Variants in CFAP20DC observed in about 807,000 individuals in gnomAD.
CFAP20DC encodes protein CFAP20DC.
Under a neutral mutation model 101.7 loss-of-function variants are expected in CFAP20DC, and 84 were observed. The ratio of observed to expected loss-of-function variants is 0.83; its 90% CI spans 0.69 to 0.99. CFAP20DC has a LOEUF of 0.99. Among genes scored for constraint, CFAP20DC ranks in the 50% least tolerant of loss-of-function variants. CFAP20DC has a pLI of 0.00. For missense variants in CFAP20DC, 1,007 were observed against 970.3 expected (o/e 1.04, Z -0.50); for synonymous variants, 359 against 351.2 (o/e 1.02, Z -0.25).
intron 15 of CFAP20DC, among the ~76,000 whole-genome samples, chr3:58,754,502 C>A (rs922683080): frequency 1.3e-5 from 2 of 152,150 alleles, no homozygotes. Flanking sequence ...TGAGTCACTG[C>A]ATATTCTACT....
At chr3:58,898,858 T>C (rs2082893529) in intron 6 of CFAP20DC, among the ~76,000 whole-genome samples, 1 of 152,144 alleles carries the variant, frequency 6.6e-6, no homozygotes, top group African/African-American at 2.4e-5. Flanking sequence ...CATCTTTGAG[T>C]TGGGTTTTTG....
chr3:58,842,333 C>G (rs1250908712), intron 13 of CFAP20DC, among the ~76,000 whole-genome samples: 1 of 152,224 alleles, frequency 6.6e-6, no homozygotes, highest in Admixed American at 6.5e-5. Flanking sequence ...TGAAGCAGGG[C>G]GAGGCATTGC....
chr3:58,900,206 C>CG (rs2083032135), intron 6 of CFAP20DC, among the ~76,000 whole-genome samples: 2 of 152,110 alleles, frequency 1.3e-5, no homozygotes, highest in Non-Finnish European at 2.9e-5. Flanking sequence ...AAAGTTCTGC[C>CG]AAAGGATTGT....
intron 15 of CFAP20DC, among the ~76,000 whole-genome samples, chr3:58,797,800 G>A (rs2073366274): frequency 6.6e-6 from 1 of 152,116 alleles, no homozygotes; most frequent in South Asian, 2.1e-4. Context: ...TGAAGCCAGT[G>A]GTCATTGACT....
intron 4 of CFAP20DC, among the ~76,000 whole-genome samples, chr3:59,034,950 C>T (rs751656030): frequency 1.3e-5 from 2 of 152,168 alleles, no homozygotes; most frequent in Non-Finnish European, 2.9e-5. Flanking sequence ...GGAAGTAAAA[C>T]ATTCCTCAGC....
rs1428314528 is a variant in CFAP20DC at position 58,964,577 on chromosome 3, A to C, written c.279-26815T>G. On this transcript the variant is annotated intron_variant, in intron 4 of 16. Transcript: ENST00000482387. The surrounding 1 kb of genome is among the most constrained non-coding windows in gnomAD (Gnocchi z 4.1). The stretch of plus-strand genomic sequence containing the variant: ...GCCTGTGGCTTGTAATCCCCTTTTT[A>C]AGAAATAAAGTTCTCTTTTCTAGAC... Among the ~76,000 whole-genome samples, 1 of 152,150 alleles carries C rather than the reference A, an allele frequency of 6.6e-6. No homozygotes were observed.
chr3:59,004,298 C>G (rs564407228), intron 4 of CFAP20DC, among the ~76,000 whole-genome samples: 146 of 152,226 alleles, frequency 9.6e-4, no homozygotes, highest in African/African-American at 3.4e-3. Context: ...GAAGGCTCTT[C>G]CTGCTTCTTG....
intron 4 of CFAP20DC, among the ~76,000 whole-genome samples, chr3:58,938,050 T>G (rs2087956949): frequency 6.6e-6 from 1 of 152,242 alleles, no homozygotes; most frequent in Non-Finnish European, 1.5e-5. Context: ...TCAATTTGGA[T>G]GAACTGAGAA....
At chr3:58,718,192 T>A (rs2067422885) in intron 3 of CFAP20DC, among the ~76,000 whole-genome samples, 1 of 152,220 alleles carries the variant, frequency 6.6e-6, no homozygotes, top group Admixed American at 6.5e-5. Context: ...TAAAAATCAC[T>A]CACACTGCAC....
chr3:58,940,415 G>A (rs2088374175), intron 4 of CFAP20DC, among the ~76,000 whole-genome samples: 1 of 152,156 alleles, frequency 6.6e-6, no homozygotes, highest in South Asian at 2.1e-4. Flanking sequence ...TTTATAGTTT[G>A]TTTTTACATT....
chr3:58,849,988 A>G (rs576491745), intron 12 of CFAP20DC, among the ~76,000 whole-genome samples: 1 of 152,276 alleles, frequency 6.6e-6, no homozygotes, highest in East Asian at 1.9e-4. Context: ...TAGAAAGTAT[A>G]TTTTTCCACA....
chr3:58,819,365 A>T (rs1347788777), intron 14 of CFAP20DC, among the ~76,000 whole-genome samples: 2 of 152,144 alleles, frequency 1.3e-5, no homozygotes, highest in African/African-American at 4.8e-5. Flanking sequence ...TGGTTTTTTG[A>T]AAGGATCAAC....
chr3:59,010,652 C>G (rs1319759581), intron 4 of CFAP20DC, among the ~76,000 whole-genome samples: 1 of 152,104 alleles, frequency 6.6e-6, no homozygotes, highest in Non-Finnish European at 1.5e-5. Flanking sequence ...GACAGGTCAT[C>G]AAGACAGAAA....
At position 58,863,815 on chromosome 3, in the gene CFAP20DC, C is replaced by A; in HGVS notation, c.1336G>T (p.Asp446Tyr). The change falls in exon 12 of 17, where the codon GAC (aspartate) becomes TAC (tyrosine). Residue 446 changes from aspartate (D) to tyrosine (Y), a missense_variant. Coordinates refer to ENST00000482387, the MANE Select transcript of CFAP20DC (RefSeq NM_001394063.1). This position sits in a 1 kb window ranked among gnomAD's most constrained non-coding sequence, Gnocchi z 5.9. ...CACAGGTGTGATGGGTTGCAGGAGT[C>A]ATCACCCAGAAGTAGAGACTGTCTG... ...SSRQSLLLGD[D>Y]SCNPSHLWLE... 6.2e-7 allele frequency: 1 copy of A among 1,614,214 alleles called. No homozygotes were observed. The highest frequency in any genetic ancestry group is 8.5e-7 in the Non-Finnish European group (1 of 1,180,054).
At chr3:58,879,310 T>C (rs1026911898) in intron 7 of CFAP20DC, among the ~76,000 whole-genome samples, 2 of 152,326 alleles carry the variant, frequency 1.3e-5, no homozygotes, top group Admixed American at 1.3e-4. Flanking sequence ...CATAAATTTG[T>C]ACAATTATTA....
intron 12 of CFAP20DC, among the ~76,000 whole-genome samples, chr3:58,860,448 C>T (rs965965438): frequency 4.6e-5 from 7 of 152,066 alleles, no homozygotes; most frequent in Admixed American, 2.6e-4. Flanking sequence ...AAAAGCCTTC[C>T]GGCTAATCTG....
At chr3:59,032,420 AC>A (rs1246047771) in intron 4 of CFAP20DC, among the ~76,000 whole-genome samples, 1 of 152,128 alleles carries the variant, frequency 6.6e-6, no homozygotes. Flanking sequence ...TCCCACCCCT[AC>A]AGAGTCCAGC....
chr3:59,035,352 C>A (rs1020564504), intron 4 of CFAP20DC, among the ~76,000 whole-genome samples: 2 of 152,040 alleles, frequency 1.3e-5, no homozygotes, highest in Admixed American at 6.6e-5. Context: ...CAGAGCAGAA[C>A]TGAAGGAGAT....
intron 12 of CFAP20DC, among the ~76,000 whole-genome samples, chr3:58,854,467 C>G (rs1205025103): frequency 6.6e-6 from 1 of 151,726 alleles, no homozygotes; most frequent in Non-Finnish European, 1.5e-5. Context: ...ACTTTCTTCA[C>G]AGAATTGGAA....
Sources: allele counts gnomAD v4.1 joint callset (sites outside exome capture counted in the v4.1 genomes callset), GRCh38; gene constraint gnomAD v4.1.1; non-coding constraint Gnocchi (gnomAD v3.1); transcripts MANE v1.5; gene names NCBI Gene and HGNC (gene_info 2026-07-23, HGNC 2026-07-21).